The following MB21D2 variants were observed in gnomAD, a reference collection of about 807,000 sequenced individuals.
The protein encoded by MB21D2 is nucleotidyltransferase MB21D2.
MB21D2 carries 9 observed loss-of-function variants against 33.3 expected under a neutral mutation model. That is an observed-to-expected ratio of 0.27 (90% confidence interval 0.16 to 0.47). The LOEUF is 0.47. Among genes scored for constraint, MB21D2 ranks in the 20% least tolerant of loss-of-function variants. The pLI is 0.99. For synonymous variants in MB21D2, 241 were observed against 236.3 expected, an observed-to-expected ratio of 1.02 and a Z score of -0.18; for missense variants, 540 against 624.6, an observed-to-expected ratio of 0.86 and a Z score of 1.44.
At chr3:192,864,812 T>C (rs1419587925) in intron 1 of MB21D2, among the ~76,000 whole-genome samples, 4 of 152,118 alleles carry the variant, frequency 2.6e-5, no homozygotes, top group Non-Finnish European at 5.9e-5. Context: ...TGATCCCAAC[T>C]CCAATTTTTA....
At chr3:192,916,912 C>G (rs1714479255) in intron 1 of MB21D2, among the ~76,000 whole-genome samples, 3 of 152,320 alleles carry the variant, frequency 2.0e-5, no homozygotes, top group East Asian at 3.9e-4. Flanking sequence ...GCGGCCAGAG[C>G]TCCGCGCCTA....
Position 192,916,869 on chromosome 3 carries a change from A to C in MB21D2, c.211+761T>G, listed in dbSNP as rs1374357658. ...CACCTCTTTCGGCCAGCGCTAAGAC[A>C]ATACACAAAGAGCAGGGAACCGGCG... On this transcript the variant is annotated intron_variant, in intron 1 of 1. Coordinates refer to ENST00000392452, the MANE Select transcript of MB21D2 (RefSeq NM_178496.4). Among the ~76,000 whole-genome samples the C allele has an allele frequency of 3.9e-5, 6 of 152,290 alleles. No homozygotes were observed. In the South Asian group the frequency reaches 8.3e-4, roughly 21 times the overall value.
intron 1 of MB21D2, among the ~76,000 whole-genome samples, chr3:192,812,261 T>C (rs1217132519): frequency 1.3e-5 from 2 of 152,142 alleles, no homozygotes; most frequent in Admixed American, 1.3e-4. Context: ...TTGGTCAGGC[T>C]GGTCTCAAAC....
chr3:192,802,108 G>A (rs1711575423), intron 1 of MB21D2, among the ~76,000 whole-genome samples: 1 of 152,174 alleles, frequency 6.6e-6, no homozygotes, highest in Non-Finnish European at 1.5e-5. Context: ...CTTAAGGATT[G>A]TCTCAGCTGC....
At chr3:192,876,892 C>G (rs942780839) in intron 1 of MB21D2, among the ~76,000 whole-genome samples, 13 of 152,190 alleles carry the variant, frequency 8.5e-5, no homozygotes, top group Non-Finnish European at 1.8e-4. Context: ...TTCCTATGTG[C>G]TCCTGTGGCA....
chr3:192,895,244 C>A (rs1468090340), intron 1 of MB21D2, among the ~76,000 whole-genome samples: 1 of 152,192 alleles, frequency 6.6e-6, no homozygotes, highest in African/African-American at 2.4e-5. Context: ...CACCTTCACC[C>A]TCAAGAAGAT....
chr3:192,798,454 T>C lies in MB21D2; in HGVS notation c.1408A>G (p.Ile470Val), dbSNP rs763060253. ...QLVTENPGKS[I>V]SVFINPDDVT... ...TCGTCAGGATTGATAAAGACAGAGATTGACTTTCCCGGGTTCTCAGTCACT... is the reference window on the plus strand; with the variant it reads ...TCGTCAGGATTGATAAAGACAGAGACTGACTTTCCCGGGTTCTCAGTCACT... Residue 470 changes from isoleucine to valine, a missense_variant, in exon 2 of 2, where the codon ATC becomes GTC. Physicochemically the swap from Ile to Val is conservative, Grantham distance 29 (BLOSUM62 3). Transcript: ENST00000392452. This position sits in a 1 kb window ranked among gnomAD's most constrained non-coding sequence, Gnocchi z 4.8. The C allele has an allele frequency of 1.9e-6, 3 of 1,614,182 alleles. No individual in the cohort carries two copies. Among genetic ancestry groups the C allele is most frequent in the Non-Finnish European group, 2.5e-6 (3 of 1,180,032 alleles).
chr3:192,867,070 C>A (rs111718438), intron 1 of MB21D2, among the ~76,000 whole-genome samples: 50 of 152,260 alleles, frequency 3.3e-4, no homozygotes, highest in African/African-American at 1.1e-3. Context: ...AACCCAGAAA[C>A]TATTGCAATA....
chr3:192,864,426 C>T (rs922654910), intron 1 of MB21D2, among the ~76,000 whole-genome samples: 3 of 152,272 alleles, frequency 2.0e-5, no homozygotes, highest in Middle Eastern at 3.4e-3. Context: ...GTCCAGGCTG[C>T]TCTTGAGCTC....
rs750640175 is a variant in MB21D2 at position 192,798,804 on chromosome 3, T to G, written c.1058A>C (p.Tyr353Ser). 1.2e-6 allele frequency: 2 copies of G among 1,612,472 alleles called. No individual in the cohort carries two copies. Among genetic ancestry groups the G allele is most frequent in the African/African-American group, 2.7e-5 (2 of 74,934 alleles). Reference protein sequence around the residue: ...LPANYLAQEDYAAHFLLGLID... With the variant: ...LPANYLAQEDSAAHFLLGLID... ...GAGGCCCAGCAAAAAGTGGGCTGCA[T>G]AGTCTTCTTGAGCCAAGTAGTTGGC... is the stretch of plus-strand genomic sequence containing the variant. Residue 353 changes from tyrosine to serine, a missense_variant, in exon 2 of 2, where the codon TAT becomes TCT. Tyr to Ser is a moderately radical substitution (Grantham distance 144). Coordinates refer to ENST00000392452, the MANE Select transcript of MB21D2 (RefSeq NM_178496.4). The surrounding 1 kb of genome is among the most constrained non-coding windows in gnomAD (Gnocchi z 4.8).
intron 1 of MB21D2, among the ~76,000 whole-genome samples, chr3:192,830,945 A>G (rs1475339503): frequency 6.6e-6 from 1 of 152,242 alleles, no homozygotes; most frequent in Non-Finnish European, 1.5e-5. Flanking sequence ...GGTCAAGCTA[A>G]TAAGGACAAA....
chr3:192,878,889 G>A (rs138067938), intron 1 of MB21D2, among the ~76,000 whole-genome samples: 2 of 152,316 alleles, frequency 1.3e-5, no homozygotes, highest in Admixed American at 6.5e-5. Flanking sequence ...GCTTGAACCC[G>A]GGATGTGGGG....
At chr3:192,811,861 T>G (rs929912454) in intron 1 of MB21D2, among the ~76,000 whole-genome samples, 7 of 152,148 alleles carry the variant, frequency 4.6e-5, no homozygotes, top group Non-Finnish European at 8.8e-5. Flanking sequence ...AGACCTTACT[T>G]ATACATGAAA....
At chr3:192,830,540 C>G (rs146143010) in intron 1 of MB21D2, among the ~76,000 whole-genome samples, 2 of 152,128 alleles carry the variant, frequency 1.3e-5, no homozygotes, top group Admixed American at 6.5e-5. Flanking sequence ...TTCTGCAAAC[C>G]AACTTCATGA....
chr3:192,912,340 G>C (rs1213552146), intron 1 of MB21D2, among the ~76,000 whole-genome samples: 2 of 151,922 alleles, frequency 1.3e-5, no homozygotes, highest in African/African-American at 4.8e-5. Context: ...AAAAACAGAG[G>C]GAGAGAAAGA....
chr3:192,879,528 G>A (rs1314067854), intron 1 of MB21D2, among the ~76,000 whole-genome samples: 1 of 152,252 alleles, frequency 6.6e-6, no homozygotes, highest in Non-Finnish European at 1.5e-5. Context: ...TAGGTGATTA[G>A]TGAGATTACG....
intron 1 of MB21D2, among the ~76,000 whole-genome samples, chr3:192,896,863 A>G (rs1286490843): frequency 6.6e-6 from 1 of 151,988 alleles, no homozygotes; most frequent in Non-Finnish European, 1.5e-5. Flanking sequence ...TGGCTGTGGG[A>G]CCCCCTAGGA....
chr3:192,801,542 G>A (rs919651180), intron 1 of MB21D2, among the ~76,000 whole-genome samples: 1 of 152,162 alleles, frequency 6.6e-6, no homozygotes, highest in African/African-American at 2.4e-5. Flanking sequence ...TCAGGCGTGA[G>A]AGTGGAACCC....
chr3:192,881,620 T>C (rs959354657), intron 1 of MB21D2, among the ~76,000 whole-genome samples: 2 of 152,122 alleles, frequency 1.3e-5, no homozygotes, highest in Non-Finnish European at 2.9e-5. Context: ...GGCAGGTGTT[T>C]GTCTCAGAAG....
Sources: gnomAD v4.1 joint callset for allele counts (sites outside exome capture counted in the v4.1 genomes callset) on GRCh38, gnomAD v4.1.1 for gene constraint, Gnocchi (gnomAD v3.1) non-coding constraint, MANE v1.5 for transcripts, NCBI Gene and HGNC (gene_info 2026-07-23, HGNC 2026-07-21) for gene names.